Variants in BRWD1 observed in about 807,000 individuals in gnomAD.
BRWD1 encodes the protein bromodomain and WD repeat domain containing 1.
Under a neutral mutation model 251.2 loss-of-function variants are expected in BRWD1, and 82 were observed. The observed-to-expected ratio is 0.33, with a 90% CI of 0.27 to 0.39. The LOEUF is 0.39. Ranked by LOEUF, BRWD1 falls within the 10% of genes least tolerant of loss-of-function variation. BRWD1 has a pLI of 1.00. For missense variants in BRWD1, 2,233 were observed against 2,711.6 expected, an observed-to-expected ratio of 0.82 and a Z score of 3.92; for synonymous variants, 918 against 902.8, an observed-to-expected ratio of 1.02 and a Z score of -0.30.
At chr21:39,204,531 C>A (rs1051405124) in intron 37 of BRWD1, among the ~76,000 whole-genome samples, 1 of 152,112 alleles carries the variant, frequency 6.6e-6, no homozygotes, top group African/African-American at 2.4e-5. Context: ...CATTTCTTTA[C>A]AAATAATCCT....
At position 39,221,243 on chromosome 21, in the gene BRWD1, A is replaced by T. The variant is rs555548049; in HGVS notation, c.3383-2583T>A. Among the ~76,000 whole-genome samples the T allele has an allele frequency of 4.7e-4, 71 of 152,210 alleles. 1 individual carries two copies. The highest frequency in any genetic ancestry group is 8.5e-4 in the Admixed American group (13 of 15,278). ...TATCATCATTGAGGGGAAAAAACTAAATCTTTTCTCATAATGTCTATTTAG... is the reference window on the plus strand; with the variant it reads ...TATCATCATTGAGGGGAAAAAACTATATCTTTTCTCATAATGTCTATTTAG... On this transcript the variant is annotated intron_variant, in intron 29 of 40. Coordinates refer to ENST00000342449, the MANE Select transcript of BRWD1 (RefSeq NM_033656.4).
At chr21:39,203,327 C>G (rs1386949746) in intron 37 of BRWD1, among the ~76,000 whole-genome samples, 1 of 151,564 alleles carries the variant, frequency 6.6e-6, no homozygotes, top group Non-Finnish European at 1.5e-5. Flanking sequence ...TTGTGCACAT[C>G]TATGATCGCA....
At chr21:39,237,027 G>A (rs948010019) in intron 22 of BRWD1, among the ~76,000 whole-genome samples, 7 of 148,790 alleles carry the variant, frequency 4.7e-5, no homozygotes, top group Middle Eastern at 3.2e-3. Flanking sequence ...ATGTAAACCC[G>A]AAAAAAAAAA....
chr21:39,289,663 G>A (rs1006518008), intron 8 of BRWD1, among the ~76,000 whole-genome samples: 1 of 152,058 alleles, frequency 6.6e-6, no homozygotes, highest in Non-Finnish European at 1.5e-5. Context: ...ATTATTGACT[G>A]GCATTTTCTA....
intron 8 of BRWD1, 125 bp downstream of exon 8, chr21:39,293,682 ATGAT>A (rs2146747862): frequency 5.7e-6 from 4 of 704,048 alleles, no homozygotes; most frequent in Admixed American, 2.8e-5. Context: ...ATTTGTATGA[ATGAT>A]TATCACTTCT....
At chr21:39,291,853 T>G (rs2035817381) in intron 8 of BRWD1, among the ~76,000 whole-genome samples, 1 of 152,204 alleles carries the variant, frequency 6.6e-6, no homozygotes, top group South Asian at 2.1e-4. Flanking sequence ...TTACCCTCCT[T>G]AAGACACGGC....
At chr21:39,314,499 G>C (rs2036652796), upstream of BRWD1, 2 of 366,914 alleles carry the variant, frequency 5.5e-6, no homozygotes, top group Admixed American at 6.9e-5. Flanking sequence ...GGAAACTAGG[G>C]AGTCATGTGC....
At chr21:39,211,623 A>C (rs1006642342) in intron 34 of BRWD1, among the ~76,000 whole-genome samples, 2 of 152,180 alleles carry the variant, frequency 1.3e-5, no homozygotes, top group African/African-American at 2.4e-5. Flanking sequence ...GAAAACTTCT[A>C]ATCTACAGAA....
intron 25 of BRWD1, among the ~76,000 whole-genome samples, chr21:39,229,827 G>A (rs970574179): frequency 1.4e-4 from 21 of 152,146 alleles, no homozygotes; most frequent in African/African-American, 4.6e-4. Flanking sequence ...TCAAACTCCT[G>A]AGCTCAATCA....
At chr21:39,274,170 G>A (rs546017919) in intron 13 of BRWD1, among the ~76,000 whole-genome samples, 112 of 152,096 alleles carry the variant, frequency 7.4e-4, no homozygotes, top group Non-Finnish European at 1.3e-3. Flanking sequence ...GCTATACAAC[G>A]TAAGGATAAA....
chr21:39,261,127 A>G (rs2034729663), intron 17 of BRWD1, among the ~76,000 whole-genome samples: 1 of 152,150 alleles, frequency 6.6e-6, no homozygotes, highest in Admixed American at 6.5e-5. Flanking sequence ...TGGGAAGCTG[A>G]GGCAGGGAAA....
At chr21:39,208,666 C>A (rs1434781526) in intron 36 of BRWD1, among the ~76,000 whole-genome samples, 1 of 152,124 alleles carries the variant, frequency 6.6e-6, no homozygotes, top group African/African-American at 2.4e-5. Context: ...GGCTCTCATG[C>A]CTCATTTCAA....
chr21:39,213,211 G>C (rs980501385), intron 33 of BRWD1, among the ~76,000 whole-genome samples: 4 of 151,974 alleles, frequency 2.6e-5, no homozygotes, highest in African/African-American at 4.8e-5. Context: ...AGCCTCCAAG[G>C]TACTTTATAT....
downstream of BRWD1, chr21:39,184,947 T>G (rs1601201061): frequency 6.6e-6 from 1 of 152,148 alleles, no homozygotes; most frequent in East Asian, 1.9e-4. Flanking sequence ...ACCAGTAAGA[T>G]CTTCAATTTG....
chr21:39,193,248 G>GT lies in BRWD1; in HGVS notation c.*3010dup, dbSNP rs2146445365. 1.0e-6 allele frequency: 1 copy of GT among 979,900 alleles called. No homozygotes were observed. The highest frequency in any genetic ancestry group is 1.1e-4 in the East Asian group (1 of 8,818). 60.7% of individuals were successfully genotyped at this position (979,900 alleles called of 1,614,324 possible). ...TTCTGTTGTAATTTACAAGCTGTGA[G>GT]TAACTGCTATATCATTGTTTCCAAG... On this transcript the variant is annotated 3_prime_UTR_variant, in exon 41 of 41. Transcript: ENST00000342449.
At chr21:39,320,105 G>T (rs116175771) in intron 1 of BRWD1, among the ~76,000 whole-genome samples, 2 of 152,088 alleles carry the variant, frequency 1.3e-5, no homozygotes, top group Non-Finnish European at 2.9e-5. Flanking sequence ...GCCATGGCTC[G>T]CTTGCCCTTG....
At chr21:39,247,374 A>G (rs1208763160) in intron 21 of BRWD1, among the ~76,000 whole-genome samples, 1 of 152,222 alleles carries the variant, frequency 6.6e-6, no homozygotes, top group Non-Finnish European at 1.5e-5. Context: ...TTGCACTTAC[A>G]GGTTGAGCAT....
chr21:39,215,311 T>A lies in BRWD1; in HGVS notation c.3711A>T (p.Arg1237Ser). The A allele has an allele frequency of 6.2e-7, 1 of 1,613,462 alleles. No homozygotes were observed. Among genetic ancestry groups the A allele is most frequent in the Non-Finnish European group, 8.5e-7 (1 of 1,179,388 alleles). Residue 1237 changes from arginine to serine, a missense_variant, in exon 32 of 41, where the codon AGA becomes AGT. By Grantham distance (110) the Arg-to-Ser change is moderately radical. Coordinates refer to ENST00000342449, the MANE Select transcript of BRWD1 (RefSeq NM_033656.4). ...TTACACTCTCAGGTTCGTTAAATGT[T>A]CTGGCATTATGTTCTATATATCTGA... is the stretch of plus-strand genomic sequence containing the variant. ...WEVRYIEHNARTFNEPESVIA... is the reference protein window; with the variant it reads ...WEVRYIEHNASTFNEPESVIA...
chr21:39,192,916 TTC>T lies in BRWD1; in HGVS notation c.*3341_*3342del. ...CAAACAGGGAGGTTAGTAAATTGTT[TTC>T]TGATTCTTCTACAAAAAAAAAAGTC... On this transcript the variant is annotated 3_prime_UTR_variant, in exon 41 of 41. Transcript: ENST00000342449. 2 of 956,024 alleles carry T rather than the reference TTC, an allele frequency of 2.1e-6. No homozygotes were observed. Among genetic ancestry groups the T allele is most frequent in the African/African-American group, 2.1e-5 (1 of 47,812 alleles). 59.2% of individuals were successfully genotyped at this position (956,024 alleles called of 1,614,324 possible).
Sources: gnomAD v4.1 joint callset for allele counts (sites outside exome capture counted in the v4.1 genomes callset) on GRCh38, gnomAD v4.1.1 for gene constraint, MANE v1.5 for transcripts, NCBI Gene and HGNC (gene_info 2026-07-23, HGNC 2026-07-21) for gene names.